STK24: variants seen among roughly 807,000 people sequenced by gnomAD.
The protein encoded by STK24 is serine/threonine kinase 24.
STK24 carries 21 observed loss-of-function variants against 55.6 expected under a neutral mutation model. The observed-to-expected ratio is 0.38, with a 90% CI of 0.27 to 0.54. The LOEUF (loss-of-function observed/expected upper bound fraction) is 0.54. Among genes scored for constraint, STK24 ranks in the 20% least tolerant of loss-of-function variants. STK24 has a pLI of 0.79. For synonymous variants in STK24, 200 were observed against 215.2 expected (o/e 0.93, Z 0.62); for missense variants, 383 against 538.4 (o/e 0.71, Z 2.86).
chr13:98,506,926 G>A (rs1895701046), intron 2 of STK24, among the ~76,000 whole-genome samples: 1 of 152,196 alleles, frequency 6.6e-6, no homozygotes, highest in Non-Finnish European at 1.5e-5. Flanking sequence ...GAGCCCGCAG[G>A]CCCGTCTTGC....
At chr13:98,519,606 G>T in intron 1 of STK24, 133 bp from the exon 2 acceptor site, 1 of 731,742 alleles carries the variant, frequency 1.4e-6, no homozygotes, top group Non-Finnish European at 2.3e-6. Context: ...TCCAGCATCA[G>T]GCTGGTGGTG....
chr13:98,540,850 T>A (rs1896867740), intron 1 of STK24, among the ~76,000 whole-genome samples: 2 of 150,340 alleles, frequency 1.3e-5, no homozygotes, highest in African/African-American at 4.9e-5. Context: ...AGGCCTTTCC[T>A]GGGCCTTAAA....
Position 98,460,428 on chromosome 13 carries a change from G to A in STK24, c.1066C>T (p.Pro356Ser). The A allele has an allele frequency of 2.5e-6, 4 of 1,613,174 alleles. No individual in the cohort carries two copies. In the Middle Eastern group the frequency reaches 5.0e-4, roughly 200 times the overall value. ...DLDRNKMKDIPKRPFSQCLST... is the reference protein window; with the variant it reads ...DLDRNKMKDISKRPFSQCLST... ...AAACACTGAGAGAAAGGCCTCTTCG[G>A]GATGTCTTTCATCTTGGGGGAGAGG... Residue 356 changes from proline to serine, a missense_variant, in exon 9 of 11, where the codon CCG becomes TCG. Coordinates refer to ENST00000539966, the MANE Select transcript of STK24 (RefSeq NM_001032296.4).
At chr13:98,464,494 A>G (rs573335428) in intron 6 of STK24, among the ~76,000 whole-genome samples, 1 of 130,214 alleles carries the variant, frequency 7.7e-6, no homozygotes, top group African/African-American at 2.8e-5. Context: ...GTGTTGTTTA[A>G]CTTTTTTTTT....
At chr13:98,464,630 G>C (rs1893861329) in intron 6 of STK24, among the ~76,000 whole-genome samples, 1 of 151,114 alleles carries the variant, frequency 6.6e-6, no homozygotes, top group African/African-American at 2.4e-5. Flanking sequence ...TGGGTAGCTG[G>C]GATTACAGGC....
Position 98,467,939 on chromosome 13 carries a change from G to A in STK24, c.598-1378C>T, listed in dbSNP as rs111266456. Among the ~76,000 whole-genome samples, 1,151 of 152,310 alleles carry A rather than the reference G, an allele frequency of 7.6e-3. 17 individuals carry two copies. Among genetic ancestry groups the A allele is most frequent in the African/African-American group, 0.026 (1,084 of 41,568 alleles). On this transcript the variant is annotated intron_variant, in intron 5 of 10. Transcript: ENST00000539966. ...GAATGGGGACTGGGGTAGAGAACAC[G>A]CCTGAGTCTGGTACAGCTTTCCTGC...
intron 1 of STK24, among the ~76,000 whole-genome samples, chr13:98,551,635 A>G (rs1312056950): frequency 2.0e-5 from 3 of 152,080 alleles, no homozygotes; most frequent in Non-Finnish European, 4.4e-5. Flanking sequence ...TCTACCCACC[A>G]GCACCTTCAG....
rs1346906290 is a variant in STK24 at position 98,576,875 on chromosome 13, C to G, written c.-89G>C. The G allele has an allele frequency of 1.1e-6, 1 of 907,882 alleles. No individual in the cohort carries two copies. Among genetic ancestry groups the G allele is most frequent in the Non-Finnish European group, 1.3e-6 (1 of 761,246 alleles). 56.2% of individuals were successfully genotyped at this position (907,882 alleles called of 1,614,324 possible). On this transcript the variant is annotated 5_prime_UTR_variant, in exon 1 of 11. Coordinates refer to ENST00000539966, the MANE Select transcript of STK24 (RefSeq NM_001032296.4). ...CGAGGCCCGCGGGCCGCGCGCAGCCCTCGGGCGGCGGGGCCGGCCGGAGCC... is the reference window on the plus strand; with the variant it reads ...CGAGGCCCGCGGGCCGCGCGCAGCCGTCGGGCGGCGGGGCCGGCCGGAGCC...
At chr13:98,537,175 C>T (rs1467371940) in intron 1 of STK24, among the ~76,000 whole-genome samples, 3 of 152,226 alleles carry the variant, frequency 2.0e-5, no homozygotes, top group Non-Finnish European at 4.4e-5. Flanking sequence ...AAGGAGCAGG[C>T]TACCTGTGCA....
chr13:98,472,570 G>A (rs183732649), intron 5 of STK24, among the ~76,000 whole-genome samples: 1 of 152,310 alleles, frequency 6.6e-6, no homozygotes, highest in East Asian at 1.9e-4. Context: ...GTGCTGTCGT[G>A]ATCACAGTTG....
At chr13:98,463,880 T>G in intron 6 of STK24, 44 bp from the exon 7 acceptor site, 1 of 1,601,378 alleles carries the variant, frequency 6.2e-7, no homozygotes, top group Admixed American at 1.7e-5. Context: ...ATGAAGTTCT[T>G]GGTCCTACCC....
At chr13:98,521,291 T>C (rs906751339) in intron 1 of STK24, among the ~76,000 whole-genome samples, 4 of 152,186 alleles carry the variant, frequency 2.6e-5, no homozygotes, top group African/African-American at 7.2e-5. Context: ...TCCTGAACAA[T>C]TGCTCAATTG....
intron 1 of STK24, among the ~76,000 whole-genome samples, chr13:98,556,964 CGACCAGCT>C (rs1308148230): frequency 1.3e-5 from 2 of 152,152 alleles, no homozygotes; most frequent in Non-Finnish European, 2.9e-5. Flanking sequence ...TCTTGACTTA[CGACCAGCT>C]GACACACTGT....
At chr13:98,560,241 G>A (rs1447450240) in intron 1 of STK24, among the ~76,000 whole-genome samples, 1 of 152,172 alleles carries the variant, frequency 6.6e-6, no homozygotes, top group Non-Finnish European at 1.5e-5. Flanking sequence ...TCCACTCAAC[G>A]CTGCTCAACG....
intron 1 of STK24, among the ~76,000 whole-genome samples, chr13:98,523,164 G>A (rs573828647): frequency 4.5e-4 from 68 of 152,126 alleles, no homozygotes; most frequent in Non-Finnish European, 8.7e-4. Context: ...ACCACCACTC[G>A]GCACAGGCTG....
intron 1 of STK24, among the ~76,000 whole-genome samples, chr13:98,533,500 T>C (rs1317199061): frequency 2.0e-5 from 3 of 151,754 alleles, no homozygotes; most frequent in Non-Finnish European, 2.9e-5. Flanking sequence ...AAGTTAAAAA[T>C]ATAGCAGGGC....
At chr13:98,519,640 C>A (rs1335158820) in intron 1 of STK24, among the ~76,000 whole-genome samples, 167 bp from the exon 2 acceptor site, 1 of 152,144 alleles carries the variant, frequency 6.6e-6, no homozygotes, top group Non-Finnish European at 1.5e-5. Flanking sequence ...AGGTTCAGGA[C>A]ATAAGATTCC....
intron 1 of STK24, among the ~76,000 whole-genome samples, chr13:98,534,816 C>A (rs537177082): frequency 6.6e-6 from 1 of 152,338 alleles, no homozygotes; most frequent in Admixed American, 6.5e-5. Context: ...CCCCTACCCA[C>A]CAAATTATCC....
At position 98,457,151 on chromosome 13, in the gene STK24, G is replaced by A; in HGVS notation, c.1259+17C>T. 6.2e-7 allele frequency: 1 copy of A among 1,605,994 alleles called. No individual in the cohort carries two copies. The highest frequency in any genetic ancestry group is 8.5e-7 in the Non-Finnish European group (1 of 1,176,560). On this transcript the variant is annotated intron_variant, in intron 10 of 10. Coordinates refer to ENST00000539966, the MANE Select transcript of STK24 (RefSeq NM_001032296.4). ...AGGTCTCTCCTTCCCCAGCCCAGAG[G>A]GGCCCTGGGTAGTTACCTCTGGAGC...
Sources: allele counts gnomAD v4.1 joint callset (sites outside exome capture counted in the v4.1 genomes callset), GRCh38; gene constraint gnomAD v4.1.1; transcripts MANE v1.5; gene names NCBI Gene and HGNC (gene_info 2026-07-23, HGNC 2026-07-21).